Variants in PRKN observed in about 807,000 individuals in gnomAD.
PRKN encodes E3 ubiquitin-protein ligase parkin.
A neutral mutation model predicts 59.5 loss-of-function variants in PRKN; 56 were observed. The ratio of observed to expected loss-of-function variants is 0.94; its 90% CI spans 0.76 to 1.18. The LOEUF (loss-of-function observed/expected upper bound fraction) is 1.18. Among genes scored for constraint, PRKN ranks in the 50% most tolerant of loss-of-function variants. The pLI, the probability that PRKN is intolerant of heterozygous loss-of-function variation, is 0.00. For missense variants in PRKN, 657 were observed against 596.4 expected, an observed-to-expected ratio of 1.10 and a Z score of -1.06; for synonymous variants, 250 against 222.1, an observed-to-expected ratio of 1.13 and a Z score of -1.12.
intron 2 of PRKN, among the ~76,000 whole-genome samples, chr6:162,394,981 T>C (rs759727736): frequency 2.6e-5 from 4 of 152,212 alleles, no homozygotes; most frequent in Non-Finnish European, 5.9e-5. Flanking sequence ...TTATTTGCCT[T>C]AATATCTATT....
intron 2 of PRKN, chr6:162,269,574 A>C (rs1780284796): frequency 6.6e-6 from 1 of 152,212 alleles, no homozygotes; most frequent in South Asian, 2.1e-4. Context: ...TGCTTTTATC[A>C]GCATACTGAT....
intron 9 of PRKN, among the ~76,000 whole-genome samples, chr6:161,515,007 T>C (rs940919143): frequency 1.3e-5 from 2 of 152,126 alleles, no homozygotes; most frequent in Admixed American, 6.5e-5. Flanking sequence ...AGGGGGAATA[T>C]CTTCATCACA....
intron 6 of PRKN, among the ~76,000 whole-genome samples, chr6:161,937,383 T>C (rs1365117354): frequency 1.3e-5 from 2 of 152,234 alleles, no homozygotes; most frequent in African/African-American, 2.4e-5. Flanking sequence ...AAAATTTTAT[T>C]CTCCAAACTG....
intron 5 of PRKN, among the ~76,000 whole-genome samples, chr6:161,974,742 C>T (rs1044897295): frequency 2.0e-5 from 3 of 152,156 alleles, no homozygotes; most frequent in Non-Finnish European, 4.4e-5. Flanking sequence ...CCTAATTCCA[C>T]TTGCGTTTAA....
At chr6:161,943,241 C>T (rs770279014) in intron 6 of PRKN, among the ~76,000 whole-genome samples, 3 of 152,166 alleles carry the variant, frequency 2.0e-5, no homozygotes, top group South Asian at 2.1e-4. Flanking sequence ...ATGAAGTTGA[C>T]GCGAAGCTGA....
chr6:162,555,007 C>T (rs9356044), intron 1 of PRKN, among the ~76,000 whole-genome samples: 41,338 of 151,974 alleles, frequency 0.27, 5,991 homozygotes, highest in East Asian at 0.5. Flanking sequence ...TCCTTTTATA[C>T]GCAATGGACT....
At chr6:162,215,145 T>C (rs1175491954) in intron 3 of PRKN, among the ~76,000 whole-genome samples, 1 of 152,196 alleles carries the variant, frequency 6.6e-6, no homozygotes, top group Non-Finnish European at 1.5e-5. Context: ...GCATCATTCT[T>C]AGGGGTCGTA....
chr6:162,455,779 A>AATT (rs1238893154), intron 1 of PRKN, among the ~76,000 whole-genome samples: 1 of 152,132 alleles, frequency 6.6e-6, no homozygotes, highest in African/African-American at 2.4e-5. Context: ...TAAATAAAAT[A>AATT]ATTTTATTAT....
At chr6:162,581,770 T>TAC (rs1004028587) in intron 1 of PRKN, among the ~76,000 whole-genome samples, 15 of 152,038 alleles carry the variant, frequency 9.9e-5, no homozygotes, top group Admixed American at 3.3e-4. Flanking sequence ...AAAATATATA[T>TAC]ATACTTAACT....
intron 9 of PRKN, among the ~76,000 whole-genome samples, chr6:161,537,221 T>C (rs1388007473): frequency 6.6e-6 from 1 of 152,232 alleles, no homozygotes; most frequent in Non-Finnish European, 1.5e-5. Context: ...AAATGAATGG[T>C]CTAAACAAGG....
intron 7 of PRKN, among the ~76,000 whole-genome samples, chr6:161,628,960 C>T (rs577767645): frequency 6.6e-4 from 100 of 152,224 alleles, no homozygotes; most frequent in Admixed American, 2.7e-3. Flanking sequence ...GGGAAATCTT[C>T]AATAATTGAT....
chr6:162,385,307 A>G (rs1786744276), intron 2 of PRKN, among the ~76,000 whole-genome samples: 1 of 152,192 alleles, frequency 6.6e-6, no homozygotes, highest in Non-Finnish European at 1.5e-5. Context: ...AACATGGTAT[A>G]AAGCAAAAAG....
At chr6:162,129,430 G>C (rs1045600193) in intron 4 of PRKN, among the ~76,000 whole-genome samples, 2 of 152,068 alleles carry the variant, frequency 1.3e-5, no homozygotes, top group Non-Finnish European at 2.9e-5. Flanking sequence ...ACATAGATGA[G>C]GCAGAACTAA....
At chr6:161,604,661 T>A (rs1782214954) in intron 7 of PRKN, among the ~76,000 whole-genome samples, 1 of 152,122 alleles carries the variant, frequency 6.6e-6, no homozygotes, top group Non-Finnish European at 1.5e-5. Flanking sequence ...TTGGCAAGCA[T>A]GAACGGTTCA....
chr6:162,343,052 G>A lies in PRKN; in HGVS notation c.172-80287C>T, dbSNP rs561241766. Among the ~76,000 whole-genome samples the A allele has an allele frequency of 4.6e-5, 7 of 152,108 alleles. No individual in the cohort carries two copies. In the East Asian group the frequency reaches 5.8e-4, roughly 13 times the overall value. ...AGCTTAATGTTGACAAGTAGAAGTCGAGTTTGTTTTAGAAAAACAATAGGA... is the reference window on the plus strand; with the variant it reads ...AGCTTAATGTTGACAAGTAGAAGTCAAGTTTGTTTTAGAAAAACAATAGGA... On this transcript the variant is annotated intron_variant, in intron 2 of 11. Transcript: ENST00000366898.
At chr6:162,505,619 T>C (rs964191135) in intron 1 of PRKN, among the ~76,000 whole-genome samples, 2 of 152,112 alleles carry the variant, frequency 1.3e-5, no homozygotes, top group Non-Finnish European at 2.9e-5. Flanking sequence ...CAAAAGCAAC[T>C]ATACAATACA....
At chr6:162,431,230 T>C (rs756671499) in intron 2 of PRKN, among the ~76,000 whole-genome samples, 1 of 119,468 alleles carries the variant, frequency 8.4e-6, no homozygotes, top group East Asian at 2.5e-4. Context: ...GAATGGATAG[T>C]AGTTGAGCCT....
chr6:161,415,615 C>A (rs1223291578), intron 9 of PRKN, among the ~76,000 whole-genome samples: 1 of 137,012 alleles, frequency 7.3e-6, no homozygotes, highest in Non-Finnish European at 1.6e-5. Flanking sequence ...CCCGACCCCC[C>A]GCCAGCCCCC....
chr6:162,032,237 G>A lies in PRKN; in HGVS notation c.618+21854C>T, dbSNP rs548848835. Reference sequence around the variant, plus strand: ...CTTGCATAAATGTATTTCTGCTGCTGTCATACCACTCTTTGGAGAATTTTA... The same window carrying A: ...CTTGCATAAATGTATTTCTGCTGCTATCATACCACTCTTTGGAGAATTTTA... On this transcript the variant is annotated intron_variant, in intron 5 of 11. Transcript: ENST00000366898. 1.9e-3 allele frequency among the ~76,000 whole-genome samples: 290 copies of A among 152,206 alleles called. 2 individuals are homozygous for A. Among genetic ancestry groups the A allele is most frequent in the African/African-American group, 6.9e-3 (286 of 41,524 alleles).
Sources: gnomAD v4.1 joint callset for allele counts (sites outside exome capture counted in the v4.1 genomes callset) on GRCh38, gnomAD v4.1.1 for gene constraint, MANE v1.5 for transcripts, NCBI Gene and HGNC (gene_info 2026-07-23, HGNC 2026-07-21) for gene names.